The following DACH2 variants were observed in gnomAD, a reference collection of about 807,000 sequenced individuals.
DACH2 encodes the protein dachshund homolog 2.
Under a neutral mutation model 35.8 loss-of-function variants are expected in DACH2, and 17 were observed. The observed-to-expected ratio is 0.48, with a 90% CI of 0.33 to 0.71. The LOEUF is 0.71. Among genes scored for constraint, DACH2 ranks in the 30% least tolerant of loss-of-function variants. DACH2 has a pLI of 0.02. For synonymous variants in DACH2, 195 were observed against 177.3 expected (o/e 1.10, Z -0.79); for missense variants, 469 against 472.7 (o/e 0.99, Z 0.07).
chrX:86,521,536 G>C lies in DACH2; in HGVS notation c.640+7145G>C, dbSNP rs181438074. Among the ~76,000 whole-genome samples the C allele has an allele frequency of 2.3e-4, 26 of 111,741 alleles. 1 individual carries two copies. The East Asian group carries it at 7.1e-3, about 30-fold the overall frequency. On this transcript the variant is annotated intron_variant, in intron 3 of 11. Coordinates refer to ENST00000373125, the MANE Select transcript of DACH2 (RefSeq NM_053281.3). ...GTCATACTCCTTGGATTCAAGCTTTGTTTTACTTCCTGCCACTTGGCTTTA... is the reference window on the plus strand; with the variant it reads ...GTCATACTCCTTGGATTCAAGCTTTCTTTTACTTCCTGCCACTTGGCTTTA...
At chrX:86,165,691 C>T (rs2147868366) in intron 1 of DACH2, among the ~76,000 whole-genome samples, 1 of 110,622 alleles carries the variant, frequency 9.0e-6, no homozygotes, top group African/African-American at 3.3e-5. Context: ...AGATTTTTTT[C>T]ATATATAGTT....
At chrX:86,165,906 C>T (rs1000768653) in intron 1 of DACH2, among the ~76,000 whole-genome samples, 5 of 111,269 alleles carry the variant, frequency 4.5e-5, no homozygotes, top group Non-Finnish European at 5.7e-5. Flanking sequence ...AAATCTTTGC[C>T]CAGACCAATA....
chrX:86,533,512 C>T (rs990807134), intron 3 of DACH2, among the ~76,000 whole-genome samples: 1 of 111,810 alleles, frequency 8.9e-6, no homozygotes, highest in African/African-American at 3.2e-5. Context: ...TTTCACACTT[C>T]CATGGCTTTT....
chrX:86,222,404 C>T (rs1164416710), intron 1 of DACH2, among the ~76,000 whole-genome samples: 1 of 111,976 alleles, frequency 8.9e-6, no homozygotes, highest in African/African-American at 3.2e-5. Flanking sequence ...TCGGCAAGAT[C>T]TAGCTTAACA....
chrX:86,370,010 A>C (rs2035863017), intron 1 of DACH2, among the ~76,000 whole-genome samples: 1 of 111,719 alleles, frequency 9.0e-6, no homozygotes, highest in Admixed American at 9.6e-5. Flanking sequence ...ACAAGGTCAA[A>C]ATTCATCTCA....
chrX:86,758,416 G>C (rs183895171), intron 7 of DACH2, among the ~76,000 whole-genome samples: 21 of 111,598 alleles, frequency 1.9e-4, no homozygotes, highest in Admixed American at 1.7e-3. Context: ...GTTTTGGTAT[G>C]TTGTGTTTCA....
chrX:86,610,405 C>CT (rs1205766587), intron 3 of DACH2, among the ~76,000 whole-genome samples: 4 of 74,386 alleles, frequency 5.4e-5, no homozygotes, highest in African/African-American at 1.8e-4. Flanking sequence ...TTCTTTCTTT[C>CT]TTTCTTTCTT....
intron 1 of DACH2, among the ~76,000 whole-genome samples, chrX:86,339,998 C>A (rs762992631): frequency 8.0e-5 from 9 of 111,848 alleles, no homozygotes; most frequent in Non-Finnish European, 1.7e-4. Context: ...ATCTTTATTG[C>A]TAACCTTTAT....
chrX:86,814,881 CTGAT>C (rs1361092596), intron 10 of DACH2, 47 bp downstream of exon 10: 3 of 1,117,200 alleles, frequency 2.7e-6, no homozygotes, highest in African/African-American at 3.7e-5. Context: ...CAAAGCAAAA[CTGAT>C]TGAAGAAAAA....
chrX:86,318,777 G>A (rs1445057780), intron 1 of DACH2, among the ~76,000 whole-genome samples: 1 of 111,381 alleles, frequency 9.0e-6, no homozygotes, highest in East Asian at 2.8e-4. Context: ...AGACAACCTT[G>A]AGACTAAAGT....
At chrX:86,412,626 A>G (rs1478639963) in intron 2 of DACH2, among the ~76,000 whole-genome samples, 4 of 111,871 alleles carry the variant, frequency 3.6e-5, no homozygotes, top group Non-Finnish European at 5.6e-5. Flanking sequence ...GTGGGATACC[A>G]TGATGGTGGA....
intron 2 of DACH2, among the ~76,000 whole-genome samples, chrX:86,383,886 G>A (rs2036084972): frequency 9.1e-6 from 1 of 110,438 alleles, no homozygotes; most frequent in Admixed American, 9.8e-5. Flanking sequence ...TCTTAGCCAC[G>A]TGTAGCATAA....
intron 2 of DACH2, among the ~76,000 whole-genome samples, chrX:86,447,164 TG>T (rs1392832521): frequency 1.0e-5 from 1 of 99,697 alleles, no homozygotes; most frequent in Non-Finnish European, 2.0e-5. Context: ...CTTGTAAATT[TG>T]TTTGAGTTCA....
intron 1 of DACH2, among the ~76,000 whole-genome samples, chrX:86,189,703 A>G (rs1231475165): frequency 8.9e-6 from 1 of 111,938 alleles, no homozygotes; most frequent in Non-Finnish European, 1.9e-5. Flanking sequence ...GTAGCTGATT[A>G]GTAATAAACA....
At chrX:86,233,808 A>G (rs994068420) in intron 1 of DACH2, among the ~76,000 whole-genome samples, 2 of 112,174 alleles carry the variant, frequency 1.8e-5, no homozygotes, top group African/African-American at 3.2e-5. Flanking sequence ...AATGAGGAAG[A>G]TGCAAAAGCA....
chrX:86,236,100 C>T (rs1447532991), intron 1 of DACH2, among the ~76,000 whole-genome samples: 1 of 106,068 alleles, frequency 9.4e-6, no homozygotes, highest in Non-Finnish European at 1.9e-5. Flanking sequence ...CCACTGCACT[C>T]CAGCCTGGGT....
intron 2 of DACH2, among the ~76,000 whole-genome samples, chrX:86,447,088 GTCT>G (rs1309372765): frequency 7.7e-5 from 7 of 91,296 alleles, no homozygotes; most frequent in Non-Finnish European, 1.5e-4. Context: ...CTGCATAAAT[GTCT>G]TCTTTTGAGA....
chrX:86,295,760 G>C lies in DACH2; in HGVS notation c.489-81064G>C, dbSNP rs190660804. ...TTTCTGTCTCCTCAGACACAGAAATGGTCTCCACAATAAGCTTCAAAAGAC... is the reference window on the plus strand; with the variant it reads ...TTTCTGTCTCCTCAGACACAGAAATCGTCTCCACAATAAGCTTCAAAAGAC... On this transcript the variant is annotated intron_variant, in intron 1 of 11. Transcript: ENST00000373125. Among the ~76,000 whole-genome samples, 7 of 111,068 alleles carry C rather than the reference G, an allele frequency of 6.3e-5. No homozygotes were observed. The East Asian group carries it at 2.0e-3, about 32-fold the overall frequency.
intron 3 of DACH2, among the ~76,000 whole-genome samples, chrX:86,559,815 AT>A (rs2039180433): frequency 2.2e-5 from 1 of 45,231 alleles, no homozygotes; most frequent in Non-Finnish European, 3.6e-5. Flanking sequence ...CCATCCTTTT[AT>A]TTTGAGCCTA....
Sources: gnomAD v4.1 joint callset for allele counts (sites outside exome capture counted in the v4.1 genomes callset) on GRCh38, gnomAD v4.1.1 for gene constraint, MANE v1.5 for transcripts, NCBI Gene and HGNC (gene_info 2026-07-23, HGNC 2026-07-21) for gene names.